The following OR56A3 variants were observed in gnomAD, a reference collection of about 807,000 sequenced individuals.
The protein encoded by OR56A3 is olfactory receptor 56A3.
A neutral mutation model predicts 17.5 loss-of-function variants in OR56A3; 23 were observed. The observed-to-expected ratio is 1.32, with a 90% CI of 0.95 to 1.87. OR56A3 has a LOEUF of 1.87. OR56A3 is among the 40% of genes most tolerant of loss of function. OR56A3 has a pLI of 0.00. For missense variants in OR56A3, 366 were observed against 380.1 expected, an observed-to-expected ratio of 0.96 and a Z score of 0.31; for synonymous variants, 175 against 150.6, an observed-to-expected ratio of 1.16 and a Z score of -1.19.
downstream of OR56A3, among the ~76,000 whole-genome samples, chr11:5,955,721 T>C (rs1277728818): frequency 6.6e-6 from 1 of 152,228 alleles, no homozygotes; most frequent in Non-Finnish European, 1.5e-5. Context: ...AGATGTACCG[T>C]AGTTCTTGAA....
chr11:5,966,278 G>A, the OR56A3 span, among the ~76,000 whole-genome samples: 1 of 151,888 alleles, frequency 6.6e-6, no homozygotes, highest in African/African-American at 2.4e-5. Context: ...GGAGGCTGAG[G>A]TGGGAGAATC....
chr11:5,999,350 TG>T, the OR56A3 span: 1 of 152,208 alleles, frequency 6.6e-6, no homozygotes, highest in Non-Finnish European at 1.5e-5. Context: ...TCATTCAATG[TG>T]TATATAATTT....
chr11:5,976,705 C>G, the OR56A3 span, among the ~76,000 whole-genome samples: 3 of 151,922 alleles, frequency 2.0e-5, no homozygotes, highest in East Asian at 1.9e-4. Flanking sequence ...ATTGACTCTT[C>G]GCTTGTCTTT....
At chr11:5,987,350 A>T in the OR56A3 span, among the ~76,000 whole-genome samples, 2 of 152,002 alleles carry the variant, frequency 1.3e-5, no homozygotes, top group Admixed American at 6.6e-5. Flanking sequence ...CATTTTCTCT[A>T]TCTCATTATG....
the OR56A3 span, among the ~76,000 whole-genome samples, chr11:6,007,544 A>C: frequency 1.3e-5 from 2 of 152,188 alleles, no homozygotes; most frequent in African/African-American, 4.8e-5. Context: ...TATGTGTATC[A>C]AAACATCACT....
In OR56A3 at chr11:5,950,955, A is replaced by G. The variant is rs550597678; in HGVS notation, c.*2661A>G. ...CTTCTTGAAATACATCTTATAATAC[A>G]GTTATATTTATATTATTTTGTTTTG... On this transcript the variant is annotated 3_prime_UTR_variant, in exon 3 of 3. Transcript: ENST00000641160. The G allele has an allele frequency of 6.6e-5, 10 of 152,184 alleles. No individual in the cohort carries two copies. The highest frequency in any genetic ancestry group is 2.2e-4 in the African/African-American group (9 of 41,526). The allele number at this position is 152,184 out of a possible 1,614,324, so 9.4% of individuals were successfully genotyped here. A position where few individuals can be genotyped will look rare whatever the true frequency, so the allele number is the denominator to read the frequency against.
At chr11:5,978,334 C>A in the OR56A3 span, among the ~76,000 whole-genome samples, 2 of 152,090 alleles carry the variant, frequency 1.3e-5, no homozygotes, top group South Asian at 2.1e-4. Context: ...TTGTTTCTAT[C>A]CATGAGCATG....
Position 5,947,503 on chromosome 11 carries a change from A to G in OR56A3, c.157A>G (p.Ile53Val), listed in dbSNP as rs768582191. The G allele has an allele frequency of 5.5e-5, 88 of 1,613,774 alleles. 1 individual carries two copies. In the South Asian group the frequency reaches 8.6e-4, roughly 16 times the overall value. Residue 53 changes from isoleucine (I) to valine (V), a missense_variant, in exon 3 of 3, where the codon ATC (isoleucine) becomes GTC (valine). By Grantham distance (29) the Ile-to-Val change is conservative (BLOSUM62 3). Transcript: ENST00000641160. ...VGANTTLLMT[I>V]WLEASLHQPL... Reference sequence around the variant, plus strand: ...GGCCAACACCACCCTCCTGATGACCATCTGGCTGGAGGCCTCTCTGCACCA... The same window carrying G: ...GGCCAACACCACCCTCCTGATGACCGTCTGGCTGGAGGCCTCTCTGCACCA...
chr11:5,994,491 C>A, the OR56A3 span: 1 of 768,486 alleles, frequency 1.3e-6, no homozygotes, highest in East Asian at 2.5e-5. Context: ...GCAATCTGAG[C>A]TTGTAGGCCT....
chr11:5,994,246 A>G, the OR56A3 span: 39 of 559,522 alleles, frequency 7.0e-5, no homozygotes, highest in South Asian at 5.6e-4. Context: ...GTCCAGGTCT[A>G]TCTCCAAAGA....
Position 5,947,675 on chromosome 11 carries a change from G to A in OR56A3, c.329G>A (p.Cys110Tyr). The change falls in exon 3 of 3, where the codon TGT (cysteine) becomes TAT (tyrosine). Residue 110 changes from cysteine to tyrosine, a missense_variant. Coordinates refer to ENST00000641160, the MANE Select transcript of OR56A3 (RefSeq NM_001003443.3). ...TTCCTCCAGATGTACATCATGAATTGTTTCCTAGCCATGGAGTCTTGCACA... is the reference window on the plus strand; with the variant it reads ...TTCCTCCAGATGTACATCATGAATTATTTCCTAGCCATGGAGTCTTGCACA... ...ACFLQMYIMN[C>Y]FLAMESCTFM... 1 of 1,614,176 alleles carries A rather than the reference G, an allele frequency of 6.2e-7. No individual in the cohort carries two copies.
At chr11:6,016,833 A>G in the OR56A3 span, among the ~76,000 whole-genome samples, 4 of 151,884 alleles carry the variant, frequency 2.6e-5, no homozygotes, top group African/African-American at 9.7e-5. Context: ...AAAAAAAAGA[A>G]AAGAAACAGA....
downstream of OR56A3, among the ~76,000 whole-genome samples, chr11:5,952,490 T>C (rs972545104): frequency 8.6e-5 from 13 of 152,022 alleles, no homozygotes; most frequent in Non-Finnish European, 1.8e-4. Context: ...AAAATATCAA[T>C]CAAATAATTA....
chr11:6,015,196 A>T, the OR56A3 span, among the ~76,000 whole-genome samples: 1 of 152,062 alleles, frequency 6.6e-6, no homozygotes, highest in Non-Finnish European at 1.5e-5. Context: ...TGGGGAAAAA[A>T]AATCTCAAAG....
At chr11:5,994,718 C>T in the OR56A3 span, 23 of 822,864 alleles carry the variant, frequency 2.8e-5, no homozygotes, top group South Asian at 1.1e-4. Flanking sequence ...CAGAATGATG[C>T]GGGCATTGTC....
At chr11:6,009,213 G>A in the OR56A3 span, among the ~76,000 whole-genome samples, 1 of 152,112 alleles carries the variant, frequency 6.6e-6, no homozygotes, top group African/African-American at 2.4e-5. Flanking sequence ...AGACTCTGCC[G>A]TTGATTTTTC....
chr11:5,948,504 T>G lies in OR56A3; in HGVS notation c.*210T>G, dbSNP rs1484519260. ...ATATTCTTGGCCCTCTCTCGTTTTA[T>G]TCCATGCTTATAATCATATTTTGTC... On this transcript the variant is annotated 3_prime_UTR_variant, in exon 3 of 3. Transcript: ENST00000641160. 3.8e-6 allele frequency: 2 copies of G among 525,706 alleles called. No individual in the cohort carries two copies. Among genetic ancestry groups the G allele is most frequent in the African/African-American group, 1.9e-5 (1 of 53,108 alleles). 32.6% of individuals were successfully genotyped at this position (525,706 alleles called of 1,614,324 possible).
At chr11:5,986,038 T>C in the OR56A3 span, 5 of 1,613,766 alleles carry the variant, frequency 3.1e-6, no homozygotes, top group Non-Finnish European at 4.2e-6. Flanking sequence ...CATGAGGAGA[T>C]ACCGTGTGGC....
intron 1 of OR56A3, among the ~76,000 whole-genome samples, chr11:5,942,969 T>G (rs1847848051): frequency 6.6e-6 from 1 of 152,258 alleles, no homozygotes; most frequent in Non-Finnish European, 1.5e-5. Context: ...TCTTTGAGCT[T>G]CAACTTCTTT....
Sources: allele counts gnomAD v4.1 joint callset (sites outside exome capture counted in the v4.1 genomes callset), GRCh38; gene constraint gnomAD v4.1.1; transcripts MANE v1.5; gene names NCBI Gene and HGNC (gene_info 2026-07-23, HGNC 2026-07-21).